Variants in THTPA observed in about 807,000 individuals in gnomAD.
THTPA encodes thiamine-triphosphatase.
Under a neutral mutation model 16.5 loss-of-function variants are expected in THTPA, and 16 were observed. The observed-to-expected ratio is 0.97, with a 90% confidence interval of 0.66 to 1.47. THTPA has a LOEUF of 1.47. Among genes scored for constraint, THTPA ranks in the 40% most tolerant of loss-of-function variants. THTPA has a pLI of 0.00. For synonymous variants in THTPA, 110 were observed against 115.5 expected, an observed-to-expected ratio of 0.95 and a Z score of 0.30; for missense variants, 281 against 280.9, an observed-to-expected ratio of 1.00 and a Z score of 0.00.
the THTPA span, chr14:23,532,601 C>A: frequency 4.8e-6 from 7 of 1,452,118 alleles, no homozygotes; most frequent in Non-Finnish European, 5.4e-6. Flanking sequence ...GTGGGCTGCA[C>A]CCCTGGCATG....
chr14:23,526,404 C>A, the THTPA span: 1 of 1,536,182 alleles, frequency 6.5e-7, no homozygotes, highest in South Asian at 1.2e-5. Flanking sequence ...TTGTCCAGGG[C>A]AAAGTTGGTG....
intron 1 of THTPA, among the ~76,000 whole-genome samples, chr14:23,558,087 C>T (rs1882707555): frequency 6.6e-6 from 1 of 152,254 alleles, no homozygotes; most frequent in Non-Finnish European, 1.5e-5. Context: ...GGCCTTACAG[C>T]CCTGCAGTGC....
At chr14:23,515,941 A>G in the THTPA span, among the ~76,000 whole-genome samples, 2 of 152,154 alleles carry the variant, frequency 1.3e-5, no homozygotes, top group African/African-American at 4.8e-5. Flanking sequence ...GACCATGGTC[A>G]GTTTCCAGTA....
chr14:23,550,206 G>T, the THTPA span, among the ~76,000 whole-genome samples: 1 of 152,232 alleles, frequency 6.6e-6, no homozygotes, highest in Admixed American at 6.5e-5. Flanking sequence ...AAGTTCCAAA[G>T]CTTCTCTGGT....
At chr14:23,522,849 G>A in the THTPA span, 2 of 1,529,478 alleles carry the variant, frequency 1.3e-6, no homozygotes, top group Admixed American at 2.0e-5. Context: ...GGTCTCTGAG[G>A]TAAGGGGCGG....
the THTPA span, chr14:23,530,531 T>C: frequency 1.9e-6 from 1 of 515,352 alleles, no homozygotes; most frequent in Admixed American, 2.6e-5. Context: ...CAGAGAAATG[T>C]AGTAGGAGGG....
At chr14:23,548,990 CCTT>C in the THTPA span, among the ~76,000 whole-genome samples, 14 of 152,156 alleles carry the variant, frequency 9.2e-5, no homozygotes, top group Admixed American at 2.6e-4. Context: ...CCTCAGCACT[CCTT>C]CGTTTGCCAT....
the THTPA span, chr14:23,524,938 T>A: frequency 6.5e-7 from 1 of 1,536,048 alleles, no homozygotes; most frequent in African/African-American, 1.4e-5. The surrounding 1 kb of genome is among the most constrained non-coding windows in gnomAD (Gnocchi z 5.6). Context: ...AGCCGGAGGC[T>A]CCCCCAGTGC....
the THTPA span, chr14:23,542,076 A>AAGGGAAGGAGAGAGGGAG: frequency 7.9e-4 from 120 of 152,660 alleles, no homozygotes; most frequent in African/African-American, 2.5e-3. Context: ...AGGGAGGAAG[A>AAGGGAAGGAGAGAGGGAG]AGGGAAGGAG....
At chr14:23,529,621 G>T in the THTPA span, 1 of 1,295,088 alleles carries the variant, frequency 7.7e-7, no homozygotes, top group South Asian at 1.3e-5. Flanking sequence ...GTCAAAGCAT[G>T]ACAAAATTAC....
At chr14:23,533,529 C>G in the THTPA span, 1 of 1,536,122 alleles carries the variant, frequency 6.5e-7, no homozygotes. The surrounding 1 kb of genome is among the most constrained non-coding windows in gnomAD (Gnocchi z 4.8). Context: ...CCTGGTGCAG[C>G]ATTAGGACAT....
chr14:23,516,361 T>C, the THTPA span, among the ~76,000 whole-genome samples: 1 of 152,176 alleles, frequency 6.6e-6, no homozygotes, highest in African/African-American at 2.4e-5. Flanking sequence ...ATGTTTGGGA[T>C]ATGTTTGTTG....
chr14:23,520,019 C>G, the THTPA span, among the ~76,000 whole-genome samples: 1 of 152,214 alleles, frequency 6.6e-6, no homozygotes, highest in Non-Finnish European at 1.5e-5. The surrounding 1 kb of genome is among the most constrained non-coding windows in gnomAD (Gnocchi z 8.7). Context: ...ATGGACTTCT[C>G]TACCCCACAC....
At chr14:23,527,864 A>G in the THTPA span, 1 of 1,452,652 alleles carries the variant, frequency 6.9e-7, no homozygotes, top group Non-Finnish European at 9.3e-7. Flanking sequence ...CCACCATCAC[A>G]TAGTCCTTTG....
upstream of THTPA, chr14:23,551,318 C>G (rs1881930199): frequency 6.6e-6 from 1 of 152,636 alleles, no homozygotes. This position sits in a 1 kb window ranked among gnomAD's most constrained non-coding sequence, Gnocchi z 5.3. Context: ...ACCAACCCAG[C>G]AGCATCGGAA....
the THTPA span, chr14:23,533,439 AG>A: frequency 1.3e-6 from 2 of 1,531,146 alleles, no homozygotes; most frequent in South Asian, 1.2e-5. The surrounding 1 kb of genome is among the most constrained non-coding windows in gnomAD (Gnocchi z 4.8). Context: ...GGAAGAGTTC[AG>A]GGGGGCTAGT....
At chr14:23,540,838 G>T in the THTPA span, among the ~76,000 whole-genome samples, 1 of 152,114 alleles carries the variant, frequency 6.6e-6, no homozygotes, top group Non-Finnish European at 1.5e-5. Flanking sequence ...CCTGTCTCCC[G>T]TCACAGAGTG....
chr14:23,531,699 G>A, the THTPA span: 26 of 1,374,720 alleles, frequency 1.9e-5, no homozygotes, highest in African/African-American at 2.3e-4. Context: ...CCCTGCCTCC[G>A]CTCCCTCCAT....
the THTPA span, chr14:23,524,819 CCT>C: frequency 2.6e-6 from 4 of 1,536,994 alleles, no homozygotes; most frequent in Non-Finnish European, 3.5e-6. The surrounding 1 kb of genome is among the most constrained non-coding windows in gnomAD (Gnocchi z 5.6). Flanking sequence ...CTCCTCTTCC[CCT>C]CTCTCTGCCT....
Sources: gnomAD v4.1 joint callset for allele counts (sites outside exome capture counted in the v4.1 genomes callset) on GRCh38, gnomAD v4.1.1 for gene constraint, Gnocchi (gnomAD v3.1) non-coding constraint, MANE v1.5 for transcripts, NCBI Gene and HGNC (gene_info 2026-07-23, HGNC 2026-07-21) for gene names.